CCN3: variants seen among roughly 807,000 people sequenced by gnomAD.
CCN3 encodes cellular communication network factor 3, also known as CCN family member 3.
Under a neutral mutation model 33.4 loss-of-function variants are expected in CCN3, and 20 were observed. The ratio of observed to expected loss-of-function variants is 0.60; its 90% CI spans 0.42 to 0.87. The LOEUF is 0.87. CCN3 is among the 40% of genes least tolerant of loss of function. The probability of loss-of-function intolerance (pLI) is 0.00; values close to 1 mark genes in which losing one functional copy is unlikely to be tolerated. For missense variants in CCN3, 465 were observed against 455.3 expected, an observed-to-expected ratio of 1.02 and a Z score of -0.19; for synonymous variants, 205 against 170.4, an observed-to-expected ratio of 1.20 and a Z score of -1.58.
chr8:119,418,064 A>G lies in CCN3; in HGVS notation c.317A>G (p.Glu106Gly). 1 of 1,611,024 alleles carries G rather than the reference A, an allele frequency of 6.2e-7. No individual in the cohort carries two copies. The highest frequency in any genetic ancestry group is 1.1e-5 in the South Asian group (1 of 91,018). Reference protein sequence around the residue: ...SNQTGICTAVEGDNCVFDGVI... With the variant: ...SNQTGICTAVGGDNCVFDGVI... ...TGCTTCCCCAATATTCTAGCGGTAG[A>G]GGGAGATAACTGTGTGTTCGATGGG... Residue 106 changes from glutamate (E) to glycine (G), a missense_variant, in exon 3 of 5, where the codon GAG becomes GGG. Coordinates refer to ENST00000259526, the MANE Select transcript of CCN3 (RefSeq NM_002514.4).
rs765805012 is a variant in CCN3, at chr8:119,416,960, A to G, written c.301A>G (p.Ile101Val). ...CGCGGACCCCAGCAACCAGACTGGC[A>G]TCTGCACGGGTAATCCTGCTCCCTC... ...RSADPSNQTG[I>V]CTAVEGDNCV... is the part of the protein sequence containing the mutation. Residue 101 changes from isoleucine to valine, a missense_variant, in exon 2 of 5, where the codon ATC becomes GTC. Ile to Val is a conservative substitution (Grantham distance 29). Transcript: ENST00000259526. 9.9e-6 allele frequency: 16 copies of G among 1,611,956 alleles called. No individual in the cohort carries two copies. The highest frequency in any genetic ancestry group is 1.4e-5 in the Non-Finnish European group (16 of 1,178,648).
Position 119,419,127 on chromosome 8 carries a change from A to C in CCN3, c.563-4A>C. The C allele has an allele frequency of 6.2e-7, 1 of 1,612,378 alleles. No homozygotes were observed. Among genetic ancestry groups the C allele is most frequent in the Non-Finnish European group, 8.5e-7 (1 of 1,178,526 alleles). ...ATGGCTGTCTTTATTTATACATCCC[A>C]TAGCTTACAGGCCAGAAGCCACCCT... is the stretch of plus-strand genomic sequence containing the variant. On this transcript the variant is annotated splice_polypyrimidine_tract_variant and splice_region_variant and intron_variant, in intron 3 of 4. Coordinates refer to ENST00000259526, the MANE Select transcript of CCN3 (RefSeq NM_002514.4).
chr8:119,418,992 A>T, intron 3 of CCN3, 139 bp from the exon 4 acceptor site: 1 of 611,746 alleles, frequency 1.6e-6, no homozygotes, highest in South Asian at 2.1e-5. Context: ...AAATAAATTC[A>T]GTTCTGTGTC....
At position 119,418,048 on chromosome 8, in the gene CCN3, A is replaced by C. The variant is rs1172367574; in HGVS notation, c.311-10A>C. On this transcript the variant is annotated splice_polypyrimidine_tract_variant and intron_variant, in intron 2 of 4. Transcript: ENST00000259526. ...TCTTTGCTTTTCACTTTGCTTCCCC[A>C]ATATTCTAGCGGTAGAGGGAGATAA... The C allele has an allele frequency of 1.2e-6, 2 of 1,604,998 alleles. No individual in the cohort carries two copies. The highest frequency in any genetic ancestry group is 1.7e-6 in the Non-Finnish European group (2 of 1,172,788).
chr8:119,422,769 A>G (rs941359752), intron 4 of CCN3, 67 bp from the exon 5 acceptor site: 6 of 1,308,218 alleles, frequency 4.6e-6, no homozygotes, highest in Non-Finnish European at 5.3e-6. Context: ...AGGTAATTCC[A>G]TACTCTAAAA....
At position 119,423,061 on chromosome 8, in the gene CCN3, A is replaced by G. The variant is rs758691435; in HGVS notation, c.1003A>G (p.Thr335Ala). The stretch of plus-strand genomic sequence containing the variant: ...GGTCATTGGGACCTGCACCTGTCAC[A>G]CCAACTGTCCTAAGAACAATGAGGC... ...VMVIGTCTCH[T>A]NCPKNNEAFL... Residue 335 changes from threonine to alanine, a missense_variant, in exon 5 of 5, where the codon ACC becomes GCC. Coordinates refer to ENST00000259526, the MANE Select transcript of CCN3 (RefSeq NM_002514.4). The G allele has an allele frequency of 5.8e-5, 93 of 1,614,076 alleles. No homozygotes were observed. The highest frequency in any genetic ancestry group is 7.3e-5 in the Non-Finnish European group (86 of 1,180,040).
intron 2 of CCN3, among the ~76,000 whole-genome samples, chr8:119,417,543 T>C (rs962766590): frequency 2.0e-5 from 3 of 152,196 alleles, no homozygotes; most frequent in Non-Finnish European, 4.4e-5. Flanking sequence ...TGATACAACA[T>C]TGTAGTTGAA....
rs760135128 is a variant in CCN3 at position 119,416,956 on chromosome 8, T to C, written c.297T>C (p.Thr99=). 1.2e-6 allele frequency: 2 copies of C among 1,612,358 alleles called. No homozygotes were observed. The highest frequency in any genetic ancestry group is 2.7e-5 in the African/African-American group (2 of 74,912). The change falls in exon 2 of 5, where the codon ACT becomes ACC. Residue 99 remains threonine (T), a synonymous_variant. Coordinates refer to ENST00000259526, the MANE Select transcript of CCN3 (RefSeq NM_002514.4). ...GCAGCGCGGACCCCAGCAACCAGAC[T>C]GGCATCTGCACGGGTAATCCTGCTC... The part of the protein sequence containing the change: ...CDRSADPSNQ[T]GICTAVEGDN...
Position 119,418,184 on chromosome 8 carries a change from T to C in CCN3, c.437T>C (p.Leu146Pro), listed in dbSNP as rs766115014. The C allele has an allele frequency of 1.2e-6, 2 of 1,614,208 alleles. No homozygotes were observed. Among genetic ancestry groups the C allele is most frequent in the Non-Finnish European group, 1.7e-6 (2 of 1,180,026 alleles). The stretch of plus-strand genomic sequence containing the variant: ...ATTGGCTGTGTGCCCCGCTGTCAGC[T>C]GGATGTGCTACTGCCTGAGCCTAAC... ...GQIGCVPRCQLDVLLPEPNCP... is the reference protein window; with the variant it reads ...GQIGCVPRCQPDVLLPEPNCP... Residue 146 changes from leucine to proline, a missense_variant, in exon 3 of 5, where the codon CTG becomes CCG. Leu to Pro is a moderately conservative substitution (Grantham distance 98). Coordinates refer to ENST00000259526, the MANE Select transcript of CCN3 (RefSeq NM_002514.4).
In CCN3 at chr8:119,418,384, G is replaced by A. The variant is rs912370951; in HGVS notation, c.562+75G>A. On this transcript the variant is annotated intron_variant, in intron 3 of 4. Coordinates refer to ENST00000259526, the MANE Select transcript of CCN3 (RefSeq NM_002514.4). ...AACATGAAGAATTTGCAATCTCTTG[G>A]ATTTGAAAAGAGAAACTGGCCTCAG... The A allele has an allele frequency of 7.1e-6, 11 of 1,539,100 alleles. No individual in the cohort carries two copies. The African/African-American group carries it at 8.3e-5, about 12-fold the overall frequency.
chr8:119,417,149 T>C, intron 2 of CCN3, 180 bp downstream of exon 2: 3 of 599,266 alleles, frequency 5.0e-6, no homozygotes, highest in Non-Finnish European at 5.6e-6. Context: ...CTTGGGGCTT[T>C]GGGGAGCGCC....
intron 4 of CCN3, chr8:119,419,791 G>T (rs138493494): frequency 2.3e-3 from 368 of 158,942 alleles, no homozygotes; most frequent in African/African-American, 8.1e-3. Context: ...GGCAGATATT[G>T]TGTGCGTGAT....
rs201275451 is a variant in CCN3, at chr8:119,416,552, C to A, written c.20C>A (p.Thr7Lys). The change falls in exon 1 of 5, where the codon ACG (threonine) becomes AAG (lysine). Residue 7 changes from threonine to lysine, a missense_variant. Transcript: ENST00000259526. MQSVQS[T>K]SFCLRKQCLC... Reference sequence around the variant, plus strand: ...CTGAGCATGCAGAGTGTGCAGAGCACGAGCTTTTGTCTCCGAAAGCAGTGC... The same window carrying A: ...CTGAGCATGCAGAGTGTGCAGAGCAAGAGCTTTTGTCTCCGAAAGCAGTGC... The A allele has an allele frequency of 2.6e-4, 415 of 1,613,860 alleles. No individual in the cohort carries two copies. The highest frequency in any genetic ancestry group is 3.2e-4 in the Non-Finnish European group (381 of 1,179,988).
At chr8:119,419,086 T>C in intron 3 of CCN3, 45 bp from the exon 4 acceptor site, 1 of 1,513,096 alleles carries the variant, frequency 6.6e-7, no homozygotes, top group Non-Finnish European at 9.2e-7. Context: ...TTTCCAATCC[T>C]CACATTGTAC....
intron 4 of CCN3, chr8:119,419,895 G>C (rs142954069): frequency 1.8e-4 from 28 of 153,696 alleles, no homozygotes; most frequent in African/African-American, 6.3e-4. Flanking sequence ...CCAGCATAAA[G>C]CAATATGGGC....
intron 4 of CCN3, among the ~76,000 whole-genome samples, chr8:119,421,339 C>G (rs1820121716): frequency 6.6e-6 from 1 of 152,134 alleles, no homozygotes; most frequent in South Asian, 2.1e-4. Flanking sequence ...GGTCCCCAAA[C>G]CAGCAGCATC....
rs1349645021 is a variant in CCN3 at position 119,423,451 on chromosome 8, C to A, written c.*319C>A. On this transcript the variant is annotated 3_prime_UTR_variant, in exon 5 of 5. Transcript: ENST00000259526. ...ACTTTGTAGACTGTTTCACATTGCA[C>A]TCATCATATTTTGTTGTGCACTAGT... 1 of 235,234 alleles carries A rather than the reference C, an allele frequency of 4.3e-6. No homozygotes were observed. The highest frequency in any genetic ancestry group is 8.4e-6 in the Non-Finnish European group (1 of 118,740). The allele number at this position is 235,234 out of a possible 1,614,324, so 14.6% of individuals were successfully genotyped here.
At chr8:119,417,454 G>A (rs1820066794) in intron 2 of CCN3, among the ~76,000 whole-genome samples, 2 of 152,168 alleles carry the variant, frequency 1.3e-5, no homozygotes, top group East Asian at 1.9e-4. Flanking sequence ...CCCTTTTCTG[G>A]CTGCAAGTAA....
At chr8:119,422,710 T>C (rs559488789) in intron 4 of CCN3, 126 bp from the exon 5 acceptor site, 1 of 793,876 alleles carries the variant, frequency 1.3e-6, no homozygotes, top group Non-Finnish European at 2.0e-6. Context: ...AAAATTAATG[T>C]TCTGATAGCA....
Sources: gnomAD v4.1 joint callset for allele counts (sites outside exome capture counted in the v4.1 genomes callset) on GRCh38, gnomAD v4.1.1 for gene constraint, MANE v1.5 for transcripts, NCBI Gene and HGNC (gene_info 2026-07-23, HGNC 2026-07-21) for gene names.